Variants in NAALADL2 observed in about 807,000 individuals in gnomAD.
NAALADL2 encodes inactive N-acetylated-alpha-linked acidic dipeptidase-like protein 2.
In NAALADL2, 76 loss-of-function variants were observed where a neutral mutation model predicts 87.2. The observed-to-expected ratio is 0.87, with a 90% CI of 0.72 to 1.05. The LOEUF is 1.05. Among genes scored for constraint, NAALADL2 ranks in the 50% least tolerant of loss-of-function variants. NAALADL2 has a pLI of 0.00. For synonymous variants in NAALADL2, 354 were observed against 331.0 expected (o/e 1.07, Z -0.75); for missense variants, 1,089 against 945.8 (o/e 1.15, Z -1.99).
intron 1 of NAALADL2, among the ~76,000 whole-genome samples, chr3:174,513,948 T>A (rs541140591): frequency 2.0e-5 from 3 of 152,154 alleles, no homozygotes; most frequent in African/African-American, 7.2e-5. Flanking sequence ...CTTCTTTTTC[T>A]CTCTCTCTTC....
chr3:175,409,611 A>T (rs1215952803), intron 5 of NAALADL2, among the ~76,000 whole-genome samples: 1 of 151,398 alleles, frequency 6.6e-6, no homozygotes, highest in African/African-American at 2.4e-5. Flanking sequence ...GAAGGAAAAC[A>T]TTTTTTTTAC....
chr3:175,663,265 T>C (rs1399692698), intron 11 of NAALADL2, among the ~76,000 whole-genome samples: 1 of 151,794 alleles, frequency 6.6e-6, no homozygotes, highest in East Asian at 1.9e-4. Context: ...TTCTTTATGG[T>C]TGAATCTTAG....
intron 11 of NAALADL2, among the ~76,000 whole-genome samples, chr3:175,636,153 A>T (rs542461198): frequency 6.6e-6 from 1 of 152,126 alleles, no homozygotes; most frequent in East Asian, 1.9e-4. Flanking sequence ...TTTCAGCGCT[A>T]ATCACACTAA....
At position 175,057,227 on chromosome 3, in the gene NAALADL2, G is replaced by A. The variant is rs144500934; in HGVS notation, c.44-39563G>A. ...CAGAAAAATAATAAATACCAACTAC[G>A]AACATGGTAGGGCTTTAATCACGTT... On this transcript the variant is annotated intron_variant, in intron 1 of 13. Coordinates refer to ENST00000454872, the MANE Select transcript of NAALADL2 (RefSeq NM_207015.3). Among the ~76,000 whole-genome samples the A allele has an allele frequency of 2.3e-3, 343 of 152,172 alleles. 1 individual carries two copies. Among genetic ancestry groups the A allele is most frequent in the African/African-American group, 7.7e-3 (319 of 41,526 alleles).
intron 2 of NAALADL2, among the ~76,000 whole-genome samples, chr3:175,142,376 T>C (rs1278513550): frequency 1.3e-5 from 2 of 152,066 alleles, no homozygotes; most frequent in Non-Finnish European, 2.9e-5. Context: ...CGTACTCCCC[T>C]GACTTTAAAC....
At chr3:174,536,547 C>G (rs1316049232) in intron 1 of NAALADL2, 3 of 152,088 alleles carry the variant, frequency 2.0e-5, no homozygotes, top group African/African-American at 7.2e-5. Flanking sequence ...AAAAAAGTCA[C>G]AATTGATTTC....
At chr3:175,423,030 T>TAC (rs1716010254) in intron 5 of NAALADL2, among the ~76,000 whole-genome samples, 9 of 82,820 alleles carry the variant, frequency 1.1e-4, no homozygotes, top group African/African-American at 4.7e-4. Flanking sequence ...AAAAAAAAAA[T>TAC]ATATATATAT....
chr3:174,797,816 GGTTAT>G (rs1489666304), intron 3 of NAALADL2, among the ~76,000 whole-genome samples: 1 of 151,934 alleles, frequency 6.6e-6, no homozygotes, highest in African/African-American at 2.4e-5. Context: ...TTATTTTATG[GGTTAT>G]GTTTTCATTT....
intron 6 of NAALADL2, among the ~76,000 whole-genome samples, chr3:175,450,879 T>C (rs1352597169): frequency 6.6e-6 from 1 of 152,140 alleles, no homozygotes; most frequent in Non-Finnish European, 1.5e-5. Context: ...TGCTTCATCA[T>C]TAAAAGTGAA....
At chr3:175,492,923 G>T (rs902797061) in intron 9 of NAALADL2, among the ~76,000 whole-genome samples, 1 of 151,856 alleles carries the variant, frequency 6.6e-6, no homozygotes, top group African/African-American at 2.4e-5. Context: ...TCACCATTAA[G>T]CGTGTTATAA....
chr3:174,666,096 G>C (rs1725931019), intron 2 of NAALADL2, among the ~76,000 whole-genome samples: 1 of 151,906 alleles, frequency 6.6e-6, no homozygotes, highest in African/African-American at 2.4e-5. Flanking sequence ...ATCATTTTTT[G>C]GGGTATAGTT....
At chr3:175,437,704 T>C (rs560128353) in intron 5 of NAALADL2, among the ~76,000 whole-genome samples, 1 of 151,658 alleles carries the variant, frequency 6.6e-6, no homozygotes, top group African/African-American at 2.4e-5. Flanking sequence ...CAAACTATAC[T>C]ACAAGGCTAC....
chr3:175,316,162 AT>A (rs2110349466), intron 4 of NAALADL2, among the ~76,000 whole-genome samples: 1 of 152,222 alleles, frequency 6.6e-6, no homozygotes, highest in East Asian at 1.9e-4. Flanking sequence ...AAATTTCTGA[AT>A]TGTTTCCCCT....
chr3:175,258,572 A>G (rs555968851), intron 4 of NAALADL2, among the ~76,000 whole-genome samples: 1 of 152,318 alleles, frequency 6.6e-6, no homozygotes, highest in South Asian at 2.1e-4. Context: ...GAAATAATGT[A>G]AAATAGGTTA....
In NAALADL2 at chr3:175,642,290, A is replaced by G. The variant is rs141567284; in HGVS notation, c.1896+14904A>G. On this transcript the variant is annotated intron_variant, in intron 11 of 13. Coordinates refer to ENST00000454872, the MANE Select transcript of NAALADL2 (RefSeq NM_207015.3). ...TTTGTGATTTGCTTTTTTACCCTAT[A>G]AGATTTACTCTTGTGTGCATAAAAC... Among the ~76,000 whole-genome samples, 54 of 152,312 alleles carry G rather than the reference A, an allele frequency of 3.5e-4. No individual in the cohort carries two copies. In the East Asian group the frequency reaches 0.01, roughly 28 times the overall value.
chr3:174,603,701 T>C (rs369476295), intron 2 of NAALADL2, among the ~76,000 whole-genome samples: 64 of 152,204 alleles, frequency 4.2e-4, no homozygotes, highest in African/African-American at 1.5e-3. Flanking sequence ...TCTTATTCTA[T>C]GTAGGCACTT....
chr3:175,230,286 T>G (rs1366544791), intron 2 of NAALADL2, among the ~76,000 whole-genome samples: 1 of 151,994 alleles, frequency 6.6e-6, no homozygotes, highest in African/African-American at 2.4e-5. Flanking sequence ...TCAGAAAATG[T>G]GAAAACAATT....
At chr3:174,954,169 T>C (rs1740834108) in intron 1 of NAALADL2, among the ~76,000 whole-genome samples, 1 of 152,080 alleles carries the variant, frequency 6.6e-6, no homozygotes, top group Admixed American at 6.6e-5. Context: ...ACTTGAATAC[T>C]GACAAAACAA....
chr3:175,386,330 GT>G (rs996482159), intron 5 of NAALADL2, among the ~76,000 whole-genome samples: 4 of 151,470 alleles, frequency 2.6e-5, no homozygotes, highest in African/African-American at 9.7e-5. Flanking sequence ...CAGTACAGTT[GT>G]TGCTGCATCC....
Sources: gnomAD v4.1 joint callset for allele counts (sites outside exome capture counted in the v4.1 genomes callset) on GRCh38, gnomAD v4.1.1 for gene constraint, MANE v1.5 for transcripts, NCBI Gene and HGNC (gene_info 2026-07-23, HGNC 2026-07-21) for gene names.